RCBTB2: variants seen among roughly 807,000 people sequenced by gnomAD.
RCBTB2 encodes RCC1 and BTB domain-containing protein 2.
In RCBTB2, 55 loss-of-function variants were observed where a neutral mutation model predicts 65.4. That is an observed-to-expected ratio of 0.84 (90% confidence interval 0.68 to 1.05). The LOEUF (loss-of-function observed/expected upper bound fraction) is 1.05. Among genes scored for constraint, RCBTB2 ranks in the 50% least tolerant of loss-of-function variants. The probability of loss-of-function intolerance (pLI) is 0.00; values close to 1 mark genes in which losing one functional copy is unlikely to be tolerated. For synonymous variants in RCBTB2, 220 were observed against 255.2 expected, an observed-to-expected ratio of 0.86 and a Z score of 1.31; for missense variants, 599 against 680.1, an observed-to-expected ratio of 0.88 and a Z score of 1.33.
At chr13:48,513,569 C>G (rs1322475706) in intron 6 of RCBTB2, among the ~76,000 whole-genome samples, 1 of 152,148 alleles carries the variant, frequency 6.6e-6, no homozygotes, top group Non-Finnish European at 1.5e-5. Flanking sequence ...TCTCATTTAT[C>G]TTCTGGTTTA....
chr13:48,531,428 AAG>A (rs377300504), intron 1 of RCBTB2, among the ~76,000 whole-genome samples: 11 of 152,362 alleles, frequency 7.2e-5, no homozygotes, highest in African/African-American at 2.6e-4. Context: ...CCAGCAGTAC[AAG>A]AGTTTGGAGA....
At chr13:48,525,379 T>G (rs1378398209) in intron 1 of RCBTB2, among the ~76,000 whole-genome samples, 4 of 27,400 alleles carry the variant, frequency 1.5e-4, no homozygotes, top group African/African-American at 1.2e-3. Flanking sequence ...TCATGATATA[T>G]ATATATATAT....
chr13:48,515,220 C>A lies in RCBTB2; in HGVS notation c.334G>T (p.Val112Phe). The A allele has an allele frequency of 1.9e-6, 3 of 1,613,420 alleles. No individual in the cohort carries two copies. The highest frequency in any genetic ancestry group is 2.5e-6 in the Non-Finnish European group (3 of 1,179,768). Residue 112 changes from valine (V) to phenylalanine (F), a missense_variant, in exon 6 of 15, where the codon GTC (valine) becomes TTC (phenylalanine). Transcript: ENST00000344532. ...CCTAGGTTACCTGTTGTTGCAAGGACAATATGTGGACCACTCCCATAGCTG... is the reference window on the plus strand; with the variant it reads ...CCTAGGTTACCTGTTGTTGCAAGGAAAATATGTGGACCACTCCCATAGCTG... ...CLSYGSGPHI[V>F]LATTEGEVFT...
chr13:48,506,939 A>C (rs1272538471), intron 10 of RCBTB2, among the ~76,000 whole-genome samples: 1 of 152,232 alleles, frequency 6.6e-6, no homozygotes, highest in Non-Finnish European at 1.5e-5. Flanking sequence ...CAACATCAGA[A>C]AAGCCAAATA....
At chr13:48,497,952 C>T (rs1434024947) in intron 13 of RCBTB2, among the ~76,000 whole-genome samples, 1 of 152,234 alleles carries the variant, frequency 6.6e-6, no homozygotes. Flanking sequence ...CCACGCACAC[C>T]TTCAGCACAG....
At chr13:48,502,003 T>A (rs1013205221) in intron 11 of RCBTB2, 135 bp from the exon 12 acceptor site, 1 of 598,496 alleles carries the variant, frequency 1.7e-6, no homozygotes, top group Non-Finnish European at 2.7e-6. Context: ...AGCAATGGAT[T>A]TTTTCCCCTG....
At chr13:48,509,175 A>G (rs903503884) in intron 10 of RCBTB2, among the ~76,000 whole-genome samples, 7 of 151,994 alleles carry the variant, frequency 4.6e-5, no homozygotes, top group African/African-American at 1.4e-4. Context: ...AAAAACACAA[A>G]AATTAGCTAG....
Position 48,499,695 on chromosome 13 carries a change from G to C in RCBTB2, c.1310C>G (p.Ser437Ter), listed in dbSNP as rs1431132767. 1.2e-6 allele frequency: 2 copies of C among 1,614,146 alleles called. No homozygotes were observed. The highest frequency in any genetic ancestry group is 4.5e-5 in the East Asian group (2 of 44,886). ...EDDIVEMSEF[S>*]YPVYRAFLEY... is the part of the protein sequence containing the mutation. Reference sequence around the variant, plus strand: ...CAGGAAGGCCCGGTAAACAGGATATGAAAATTCACTCATTTCTACAATATC... The same window carrying C: ...CAGGAAGGCCCGGTAAACAGGATATCAAAATTCACTCATTTCTACAATATC... The change falls in exon 13 of 15, where the codon TCA becomes TGA. Residue 437 changes from serine to a stop codon, truncating the protein, a stop_gained. Transcript: ENST00000344532. LOFTEE classifies it high-confidence loss of function.
chr13:48,497,422 C>T (rs1182569028), intron 13 of RCBTB2, among the ~76,000 whole-genome samples: 1 of 152,070 alleles, frequency 6.6e-6, no homozygotes, highest in Non-Finnish European at 1.5e-5. Flanking sequence ...TTAATCTACC[C>T]CAAGGAATGA....
Position 48,508,647 on chromosome 13 carries a change from G to A in RCBTB2, c.926+1982C>T, listed in dbSNP as rs7988584. 4.4e-3 allele frequency among the ~76,000 whole-genome samples: 672 copies of A among 152,152 alleles called. 10 individuals are homozygous for A. The highest frequency in any genetic ancestry group is 0.016 in the African/African-American group (650 of 41,506). On this transcript the variant is annotated intron_variant, in intron 10 of 14. Transcript: ENST00000344532. ...TCAAACTCCTGACCTCAGGTGATCC[G>A]CCCGCCTTGGCCTCCCAAAGTGCTG... is the stretch of plus-strand genomic sequence containing the variant.
rs779373072 is a variant in RCBTB2 at position 48,512,105 on chromosome 13, G to A, written c.586C>T (p.Arg196Ter). 8.7e-6 allele frequency: 14 copies of A among 1,614,042 alleles called. No homozygotes were observed. Among genetic ancestry groups the A allele is most frequent in the East Asian group, 2.2e-5 (1 of 44,902 alleles). Residue 196 changes from arginine (R) to a stop codon, truncating the protein, a stop_gained, in exon 8 of 15, where the codon CGA (arginine) becomes TGA (stop). Transcript: ENST00000344532. LOFTEE classifies it high-confidence loss of function. Reference protein sequence around the residue: ...SGSTVNQPIPRRVTGCLQNKV... With the variant: ...SGSTVNQPIP ...TTTTGTAGGCAGCCAGTGACTCTTCGAGGGATTGGCTGATTAACTGTTGAT... is the reference window on the plus strand; with the variant it reads ...TTTTGTAGGCAGCCAGTGACTCTTCAAGGGATTGGCTGATTAACTGTTGAT...
chr13:48,503,036 G>C lies in RCBTB2; in HGVS notation c.927-122C>G, dbSNP rs768707298. On this transcript the variant is annotated intron_variant, in intron 10 of 14. Coordinates refer to ENST00000344532, the MANE Select transcript of RCBTB2 (RefSeq NM_001268.4). ...AAATTACAAAAAGGGTCAGGAAAAGGAAAAAACAAAACAAAACAAACCACC... is the reference window on the plus strand; with the variant it reads ...AAATTACAAAAAGGGTCAGGAAAAGCAAAAAACAAAACAAAACAAACCACC... 7 of 1,143,218 alleles carry C rather than the reference G, an allele frequency of 6.1e-6. No homozygotes were observed. The African/African-American group carries it at 1.1e-4, about 18-fold the overall frequency. 70.8% of individuals were successfully genotyped at this position (1,143,218 alleles called of 1,614,324 possible).
chr13:48,518,783 T>C (rs535917691), intron 4 of RCBTB2, among the ~76,000 whole-genome samples: 1 of 152,208 alleles, frequency 6.6e-6, no homozygotes, highest in African/African-American at 2.4e-5. Flanking sequence ...ACAATAGAGC[T>C]AAGGATGGAA....
intron 1 of RCBTB2, among the ~76,000 whole-genome samples, chr13:48,527,846 T>G (rs935038167): frequency 7.9e-5 from 12 of 152,218 alleles, no homozygotes; most frequent in African/African-American, 2.9e-4. Flanking sequence ...GGGGACACTC[T>G]TTTGATAATG....
rs761206965 is a variant in RCBTB2, at chr13:48,502,862, G to T, written c.979C>A (p.Gln327Lys). 17 of 1,614,164 alleles carry T rather than the reference G, an allele frequency of 1.1e-5. No homozygotes were observed. Residue 327 changes from glutamine to lysine, a missense_variant, in exon 11 of 15, where the codon CAG becomes AAG. Gln to Lys is a moderately conservative substitution (Grantham distance 53). Coordinates refer to ENST00000344532, the MANE Select transcript of RCBTB2 (RefSeq NM_001268.4). ...HSTHTSAAKT[Q>K]GGHVYMWGQC... ...CCCCACATGTACACGTGCCCACCCT[G>T]CGTCTTGGCCGCAGACGTGTGTGTG...
At chr13:48,519,589 T>C (rs1951306302) in intron 4 of RCBTB2, among the ~76,000 whole-genome samples, 1 of 152,234 alleles carries the variant, frequency 6.6e-6, no homozygotes, top group African/African-American at 2.4e-5. Context: ...GTAAGTTTTA[T>C]GAAATGATGC....
chr13:48,518,311 C>T lies in RCBTB2; in HGVS notation c.43-2570G>A, dbSNP rs78440590. On this transcript the variant is annotated intron_variant, in intron 4 of 14. Transcript: ENST00000344532. Reference sequence around the variant, plus strand: ...TCCTGATGCCAAATCTAGTCATGTTCCCTCACGTGCCACTTGGATCATAAG... The same window carrying T: ...TCCTGATGCCAAATCTAGTCATGTTTCCTCACGTGCCACTTGGATCATAAG... Among the ~76,000 whole-genome samples, 545 of 152,064 alleles carry T rather than the reference C, an allele frequency of 3.6e-3. 1 individual carries two copies. The highest frequency in any genetic ancestry group is 5.3e-3 in the Non-Finnish European group (359 of 67,982).
Position 48,501,768 on chromosome 13 carries a change from A to C in RCBTB2, c.1218T>G (p.Tyr406Ter), listed in dbSNP as rs748671461. Reference sequence around the variant, plus strand: ...GAATCTTGAGAAGGACTTTATGTGCATAAATGTACTTTCCATCAACTAGAA... The same window carrying C: ...GAATCTTGAGAAGGACTTTATGTGCCTAAATGTACTTTCCATCAACTAGAA... ...LKFLVDGKYI[Y>*]AHKVLLKIRC... is the part of the protein sequence containing the mutation. The change falls in exon 12 of 15, where the codon TAT becomes TAG. Residue 406 changes from tyrosine to a stop codon, truncating the protein, a stop_gained. Transcript: ENST00000344532. LOFTEE classifies it high-confidence loss of function. 1.2e-6 allele frequency: 2 copies of C among 1,612,962 alleles called. No homozygotes were observed. Among genetic ancestry groups the C allele is most frequent in the Admixed American group, 3.3e-5 (2 of 59,970 alleles).
In RCBTB2 at chr13:48,518,472, A is replaced by AAATATAT. The variant is rs1491137365; in HGVS notation, c.43-2732_43-2731insATATATT. Among the ~76,000 whole-genome samples the AAATATAT allele has an allele frequency of 3.0e-3, 344 of 116,566 alleles. 1 individual carries two copies. The highest frequency in any genetic ancestry group is 0.013 in the Middle Eastern group (3 of 234). 76.5% of individuals were successfully genotyped at this position (116,566 alleles called of 152,430 possible). ...AGAGTACTTTGCAAAAAAAAAAAAAAATATATATATATATATATATATATT... is the reference window on the plus strand; with the variant it reads ...AGAGTACTTTGCAAAAAAAAAAAAAAAATATATATATATATATATATATATATATATT... On this transcript the variant is annotated intron_variant, in intron 4 of 14. Coordinates refer to ENST00000344532, the MANE Select transcript of RCBTB2 (RefSeq NM_001268.4).
Sources: allele counts gnomAD v4.1 joint callset (sites outside exome capture counted in the v4.1 genomes callset), GRCh38; gene constraint gnomAD v4.1.1; transcripts MANE v1.5; gene names NCBI Gene and HGNC (gene_info 2026-07-23, HGNC 2026-07-21).